The following FAM53A variants were observed in gnomAD, a reference collection of about 807,000 sequenced individuals.
FAM53A encodes family with sequence similarity 53 member A.
In FAM53A, 28 loss-of-function variants were observed where a neutral mutation model predicts 26.6. That is an observed-to-expected ratio of 1.05 (90% CI 0.78 to 1.45). FAM53A has a LOEUF of 1.45. FAM53A is among the 40% of genes most tolerant of loss of function. The pLI is 0.00. For missense variants in FAM53A, 650 were observed against 575.8 expected (o/e 1.13, Z -1.32); for synonymous variants, 290 against 253.1 (o/e 1.15, Z -1.38).
chr4:1,630,971 A>T lies in FAM53A; in HGVS notation c.432-12860T>A, dbSNP rs1274111234. ...GGCAGGAGGACTGTTTGAGCCCCAG[A>T]GGTCAAGACTGCAGTGAGCCATGAT... is the stretch of plus-strand genomic sequence containing the variant. On this transcript the variant is annotated intron_variant, in intron 1 of 1. Coordinates refer to the FAM53A transcript ENST00000489029. This position sits in a 1 kb window ranked among gnomAD's most constrained non-coding sequence, Gnocchi z 4.3. 6.6e-6 allele frequency among the ~76,000 whole-genome samples: 1 copy of T among 152,230 alleles called. No individual in the cohort carries two copies. The highest frequency in any genetic ancestry group is 1.5e-5 in the Non-Finnish European group (1 of 68,040).
chr4:1,605,793 T>C, the FAM53A span, among the ~76,000 whole-genome samples: 1 of 152,154 alleles, frequency 6.6e-6, no homozygotes, highest in South Asian at 2.1e-4. The surrounding 1 kb of genome is among the most constrained non-coding windows in gnomAD (Gnocchi z 5.7). Flanking sequence ...TCGAGGTTGC[T>C]GACTGGCGCA....
At chr4:1,599,170 C>T in the FAM53A span, among the ~76,000 whole-genome samples, 2 of 150,202 alleles carry the variant, frequency 1.3e-5, no homozygotes, top group Admixed American at 6.6e-5. The surrounding 1 kb of genome is among the most constrained non-coding windows in gnomAD (Gnocchi z 6.1). Flanking sequence ...TCAGGGCCGT[C>T]GGCTCCAACC....
chr4:1,637,771 G>A (rs907827647), downstream of FAM53A, among the ~76,000 whole-genome samples: 3 of 152,110 alleles, frequency 2.0e-5, no homozygotes, highest in African/African-American at 7.2e-5. Context: ...GAAGGGAGCT[G>A]TCCCAGGGTA....
chr4:1,649,921 C>A (rs1175088708), intron 4 of FAM53A, among the ~76,000 whole-genome samples: 5 of 140,118 alleles, frequency 3.6e-5, no homozygotes, highest in East Asian at 2.2e-4. Context: ...TGAGGTGGCA[C>A]AGGCGTGGCG....
intron 1 of FAM53A, among the ~76,000 whole-genome samples, chr4:1,673,638 C>A (rs1714835486): frequency 6.6e-6 from 1 of 152,144 alleles, no homozygotes; most frequent in African/African-American, 2.4e-5. Context: ...GAGGCTGAGG[C>A]AGGAGAATCA....
At chr4:1,684,705 G>T (rs1256210170), upstream of FAM53A, among the ~76,000 whole-genome samples, 1 of 151,692 alleles carries the variant, frequency 6.6e-6, no homozygotes, top group Non-Finnish European at 1.5e-5. Context: ...CCCGGGGCGC[G>T]CGGTCTCGGG....
intron 1 of FAM53A, among the ~76,000 whole-genome samples, chr4:1,631,135 G>C (rs1324120528): frequency 4.6e-5 from 7 of 152,236 alleles, no homozygotes; most frequent in Non-Finnish European, 8.8e-5. Flanking sequence ...AGAGGAGAAA[G>C]ACTGGAGTCA....
intron 1 of FAM53A, among the ~76,000 whole-genome samples, chr4:1,676,528 G>A (rs572581589): frequency 6.6e-6 from 1 of 152,144 alleles, no homozygotes; most frequent in East Asian, 1.9e-4. Context: ...ATTTCACCAC[G>A]GCGACACACA....
At chr4:1,666,697 C>A (rs1248235074) in intron 2 of FAM53A, among the ~76,000 whole-genome samples, 1 of 152,250 alleles carries the variant, frequency 6.6e-6, no homozygotes, top group East Asian at 1.9e-4. Flanking sequence ...ATGTTTTCTC[C>A]ATTTAATCAA....
chr4:1,683,118 C>A lies in FAM53A; in HGVS notation c.-165+1115G>T, dbSNP rs375784597. Reference sequence around the variant, plus strand: ...AATGGCGCCGGACGAGGGAAAACTACAATTGTCTGAAAGAACTACCACCTA... The same window carrying A: ...AATGGCGCCGGACGAGGGAAAACTAAAATTGTCTGAAAGAACTACCACCTA... On this transcript the variant is annotated intron_variant, in intron 1 of 4. Transcript: ENST00000308132. 3.3e-5 allele frequency among the ~76,000 whole-genome samples: 5 copies of A among 152,356 alleles called. No homozygotes were observed. In the East Asian group the frequency reaches 9.6e-4, roughly 29 times the overall value.
intron 4 of FAM53A, among the ~76,000 whole-genome samples, chr4:1,653,690 C>G (rs1194974123): frequency 6.6e-6 from 1 of 152,224 alleles, no homozygotes; most frequent in African/African-American, 2.4e-5. Flanking sequence ...GCAGGGAAGT[C>G]TGGGTTTTCA....
At chr4:1,677,044 G>A (rs4865460) in intron 1 of FAM53A, among the ~76,000 whole-genome samples, 94,269 of 152,038 alleles carry the variant, frequency 0.62, 29,927 homozygotes, top group East Asian at 0.89. Flanking sequence ...CCCACCTTGT[G>A]CTCAGCACTG....
intron 1 of FAM53A, among the ~76,000 whole-genome samples, chr4:1,624,961 G>A (rs1433379730): frequency 6.3e-5 from 9 of 143,176 alleles, no homozygotes; most frequent in East Asian, 2.1e-4. Context: ...AAGCCCCCAC[G>A]TCCCGGCCCA....
chr4:1,662,346 G>A (rs1420246210), intron 2 of FAM53A, among the ~76,000 whole-genome samples: 1 of 151,952 alleles, frequency 6.6e-6, no homozygotes, highest in Non-Finnish European at 1.5e-5. Context: ...GGGCGTGATG[G>A]TGGATGCCTG....
the FAM53A span, among the ~76,000 whole-genome samples, chr4:1,606,749 C>A: frequency 6.6e-6 from 1 of 152,234 alleles, no homozygotes; most frequent in Non-Finnish European, 1.5e-5. Flanking sequence ...GTGTAGCGTT[C>A]CCCTGCGAGG....
chr4:1,636,997 G>A (rs1715873139), downstream of FAM53A, among the ~76,000 whole-genome samples: 3 of 152,196 alleles, frequency 2.0e-5, no homozygotes, highest in African/African-American at 7.2e-5. Flanking sequence ...CTGCACATGC[G>A]GCGGCGAGCA....
intron 2 of FAM53A, among the ~76,000 whole-genome samples, chr4:1,664,770 G>A (rs1013903381): frequency 3.9e-5 from 6 of 152,104 alleles, no homozygotes; most frequent in African/African-American, 1.4e-4. Context: ...CTGAGGTTAG[G>A]AGTTCAAGAC....
intron 4 of FAM53A, among the ~76,000 whole-genome samples, chr4:1,652,120 CCACACACACCTCATACACCA>C (rs1712866258): frequency 7.2e-6 from 1 of 138,758 alleles, no homozygotes; most frequent in African/African-American, 2.9e-5. Context: ...CACACACACG[CCACACACACCTCATACACCA>C]CACACACCAC....
At chr4:1,646,913 G>C (rs977898169) in intron 4 of FAM53A, among the ~76,000 whole-genome samples, 1 of 152,158 alleles carries the variant, frequency 6.6e-6, no homozygotes, top group South Asian at 2.1e-4. Flanking sequence ...AAAAGCACAC[G>C]CTTTTATAGA....
Sources: allele counts gnomAD v4.1 joint callset (sites outside exome capture counted in the v4.1 genomes callset), GRCh38; gene constraint gnomAD v4.1.1; non-coding constraint Gnocchi (gnomAD v3.1); transcripts MANE v1.5; gene names NCBI Gene and HGNC (gene_info 2026-07-23, HGNC 2026-07-21).